C19orf38: variants seen among roughly 807,000 people sequenced by gnomAD.
The protein encoded by C19orf38 is protein HIDE1.
In C19orf38, 14 loss-of-function variants were observed where a neutral mutation model predicts 26.6. The observed-to-expected ratio is 0.53, with a 90% CI of 0.35 to 0.82. The LOEUF is 0.82. Among genes scored for constraint, C19orf38 ranks in the 40% least tolerant of loss-of-function variants. The pLI is 0.01. For missense variants in C19orf38, 261 were observed against 299.5 expected (o/e 0.87, Z 0.95); for synonymous variants, 132 against 128.5 (o/e 1.03, Z -0.18).
At chr19:10,868,274 T>C (rs1599675377) in intron 6 of C19orf38, among the ~76,000 whole-genome samples, 1 of 152,322 alleles carries the variant, frequency 6.6e-6, no homozygotes, top group Admixed American at 6.5e-5. Context: ...TATTTTCTTT[T>C]TACGAACAAG....
intron 2 of C19orf38, among the ~76,000 whole-genome samples, chr19:10,852,495 G>A (rs926233353): frequency 1.3e-5 from 2 of 152,210 alleles, no homozygotes; most frequent in Admixed American, 6.5e-5. Context: ...TCAGCCCTCT[G>A]GACTCTGAAG....
intron 6 of C19orf38, among the ~76,000 whole-genome samples, chr19:10,864,667 G>A (rs901049910): frequency 6.6e-6 from 1 of 152,190 alleles, no homozygotes; most frequent in African/African-American, 2.4e-5. Context: ...CTGAAGAGCT[G>A]GGCCAAGCGT....
chr19:10,854,579 T>C (rs899207871), intron 2 of C19orf38, among the ~76,000 whole-genome samples: 6 of 152,138 alleles, frequency 3.9e-5, no homozygotes, highest in Non-Finnish European at 8.8e-5. Context: ...AGGCTGACAT[T>C]GTGAGAATAC....
chr19:10,837,164 G>A (rs1260848500), intron 1 of C19orf38, among the ~76,000 whole-genome samples: 6 of 152,186 alleles, frequency 3.9e-5, no homozygotes, highest in Admixed American at 6.5e-5. Flanking sequence ...GCTTGCTTCC[G>A]CAGTGCGTGG....
At chr19:10,859,979 G>C (rs1203428886) in intron 5 of C19orf38, 21 bp downstream of exon 5, 1 of 1,547,548 alleles carries the variant, frequency 6.5e-7, no homozygotes, top group African/African-American at 1.4e-5. Flanking sequence ...CCACACTCCT[G>C]ACTCCAGTGG....
upstream of C19orf38, among the ~76,000 whole-genome samples, chr19:10,846,955 C>A (rs1001334326): frequency 6.6e-6 from 1 of 152,154 alleles, no homozygotes; most frequent in African/African-American, 2.4e-5. Context: ...GTGTTCCAGG[C>A]CAGGGAAATA....
chr19:10,844,273 C>T (rs1456196769), upstream of C19orf38, among the ~76,000 whole-genome samples: 2 of 151,514 alleles, frequency 1.3e-5, no homozygotes, highest in Non-Finnish European at 2.9e-5. Context: ...GGCATGGTGG[C>T]ACACGTGTAA....
Position 10,869,223 on chromosome 19 carries a change from G to T in C19orf38, c.549G>T (p.Thr183=). ...TTCTTCTTACATGGACAAAGAAAAC[G>T]ATGCCAGAAGAAGACCCGGCCACCT... ...DNSLFTVSAK[T]MPEEDPATLD... Residue 183 remains threonine (T), a synonymous_variant, in exon 7 of 7, where the codon ACG becomes ACT. Coordinates refer to ENST00000397820, the MANE Select transcript of C19orf38 (RefSeq NM_001136482.3). 1 of 1,551,588 alleles carries T rather than the reference G, an allele frequency of 6.4e-7. No individual in the cohort carries two copies. Among genetic ancestry groups the T allele is most frequent in the African/African-American group, 1.4e-5 (1 of 73,140 alleles).
At position 10,869,538 on chromosome 19, in the gene C19orf38, G is replaced by C; in HGVS notation, c.*171G>C. Reference sequence around the variant, plus strand: ...ACAGAGGAGTGGGAGAGGGGACACAGGCATGGGCCTGGCACTATACAGACA... The same window carrying C: ...ACAGAGGAGTGGGAGAGGGGACACACGCATGGGCCTGGCACTATACAGACA... On this transcript the variant is annotated 3_prime_UTR_variant, in exon 7 of 7. Transcript: ENST00000397820. The C allele has an allele frequency of 1.0e-6, 1 of 958,384 alleles. No individual in the cohort carries two copies. Among genetic ancestry groups the C allele is most frequent in the Non-Finnish European group, 1.5e-6 (1 of 667,766 alleles). 59.4% of individuals were successfully genotyped at this position (958,384 alleles called of 1,614,324 possible).
intron 5 of C19orf38, 119 bp from the exon 6 acceptor site, chr19:10,863,051 T>A: frequency 2.0e-6 from 2 of 1,008,658 alleles, no homozygotes; most frequent in Non-Finnish European, 3.0e-6. Context: ...CCATAGAGGA[T>A]GCTGGGAGAT....
At chr19:10,853,268 G>T (rs2073591164) in intron 2 of C19orf38, among the ~76,000 whole-genome samples, 3 of 151,742 alleles carry the variant, frequency 2.0e-5, no homozygotes. Flanking sequence ...TCACTCTGTC[G>T]CCCAGGCTGG....
At chr19:10,842,410 G>A (rs572256457) in intron 1 of C19orf38, among the ~76,000 whole-genome samples, 2 of 152,080 alleles carry the variant, frequency 1.3e-5, no homozygotes, top group East Asian at 3.9e-4. Flanking sequence ...ACAGGTGCCC[G>A]CCACCATGCC....
In C19orf38 at chr19:10,869,565, C is replaced by T. The variant is rs2073783824; in HGVS notation, c.*198C>T. ...CATGGGCCTGGCACTATACAGACAA[C>T]AGGAAGTTCCCCTCTCGACCTTCGG... On this transcript the variant is annotated 3_prime_UTR_variant, in exon 7 of 7. Coordinates refer to ENST00000397820, the MANE Select transcript of C19orf38 (RefSeq NM_001136482.3). 4.1e-6 allele frequency: 3 copies of T among 727,354 alleles called. No individual in the cohort carries two copies. Among genetic ancestry groups the T allele is most frequent in the East Asian group, 6.1e-5 (2 of 32,728 alleles). The allele number at this position is 727,354 out of a possible 1,614,324, so 45.1% of individuals were successfully genotyped here. A position where few individuals can be genotyped will look rare whatever the true frequency, so the allele number is the denominator to read the frequency against.
rs140022952 is a variant in C19orf38 at position 10,841,839 on chromosome 19, A to G, written c.-69+5069A>G. On this transcript the variant is annotated intron_variant, in intron 1 of 7. Transcript: ENST00000592854. ...ACATTTTTTAAAAAATTAGCTGGGCATGGGAACAATCCCATTTCCTGAGGG... is the reference window on the plus strand; with the variant it reads ...ACATTTTTTAAAAAATTAGCTGGGCGTGGGAACAATCCCATTTCCTGAGGG... 327 of 1,386,610 alleles carry G rather than the reference A, an allele frequency of 2.4e-4. 1 individual carries two copies. The African/African-American group carries it at 3.9e-3, about 16-fold the overall frequency. The allele number at this position is 1,386,610 out of a possible 1,614,324, so 85.9% of individuals were successfully genotyped here.
intron 3 of C19orf38, among the ~76,000 whole-genome samples, chr19:10,857,358 ATATATATATTTTT>A (rs2073638226): frequency 2.4e-5 from 2 of 82,484 alleles, no homozygotes; most frequent in Non-Finnish European, 4.1e-5. Context: ...ATATATATAT[ATATATATATTTTT>A]TTTTTTTTTT....
intron 5 of C19orf38, among the ~76,000 whole-genome samples, chr19:10,862,847 A>T (rs1181524568): frequency 6.6e-6 from 1 of 151,934 alleles, no homozygotes; most frequent in Non-Finnish European, 1.5e-5. Context: ...GAAAAAAAAA[A>T]TGGGTGATGG....
chr19:10,848,068 G>A (rs1477478364), upstream of C19orf38, among the ~76,000 whole-genome samples: 1 of 152,122 alleles, frequency 6.6e-6, no homozygotes, highest in Non-Finnish European at 1.5e-5. Flanking sequence ...GCTCCTGCCT[G>A]TAGTCCCAGC....
At chr19:10,843,662 A>C (rs950561465), upstream of C19orf38, among the ~76,000 whole-genome samples, 1 of 152,232 alleles carries the variant, frequency 6.6e-6, no homozygotes, top group African/African-American at 2.4e-5. Context: ...TACACCCAGT[A>C]TACAGCCACA....
At chr19:10,863,254 C>A (rs1315961515) in intron 6 of C19orf38, 47 bp downstream of exon 6, 1 of 1,538,130 alleles carries the variant, frequency 6.5e-7, no homozygotes, top group East Asian at 2.4e-5. Flanking sequence ...GACCGTCCTA[C>A]CGGGAGAACG....
Sources: gnomAD v4.1 joint callset for allele counts (sites outside exome capture counted in the v4.1 genomes callset) on GRCh38, gnomAD v4.1.1 for gene constraint, MANE v1.5 for transcripts, NCBI Gene and HGNC (gene_info 2026-07-23, HGNC 2026-07-21) for gene names.